The following TCF12 variants were observed in gnomAD, a reference collection of about 807,000 sequenced individuals.
TCF12 encodes transcription factor 12, also known as DNA-binding protein HTF4.
A neutral mutation model predicts 86.0 loss-of-function variants in TCF12; 45 were observed. The observed-to-expected ratio is 0.52, with a 90% CI of 0.41 to 0.67. TCF12 has a LOEUF of 0.67. Ranked by LOEUF, TCF12 falls within the 30% of genes least tolerant of loss-of-function variation. The pLI, the probability that TCF12 is intolerant of heterozygous loss-of-function variation, is 0.00. For synonymous variants in TCF12, 330 were observed against 299.6 expected (o/e 1.10, Z -1.05); for missense variants, 881 against 859.9 (o/e 1.02, Z -0.31).
At chr15:57,076,924 A>G (rs1483545965) in intron 4 of TCF12, among the ~76,000 whole-genome samples, 4 of 152,018 alleles carry the variant, frequency 2.6e-5, no homozygotes, top group African/African-American at 7.3e-5. Flanking sequence ...CTTCCCTCCC[A>G]TTGAGTTAAC....
chr15:57,261,867 A>AT (rs1567007848), intron 16 of TCF12, among the ~76,000 whole-genome samples: 1 of 152,226 alleles, frequency 6.6e-6, no homozygotes, highest in African/African-American at 2.4e-5. Context: ...TAGAAGTTTC[A>AT]TTTTTTAAAA....
chr15:57,107,077 A>G (rs988940736), intron 5 of TCF12, among the ~76,000 whole-genome samples: 7 of 152,236 alleles, frequency 4.6e-5, no homozygotes, highest in South Asian at 2.1e-4. Flanking sequence ...AGTCTACACA[A>G]TGAAGTTGAA....
At chr15:57,032,058 G>T (rs2066230470) in intron 3 of TCF12, among the ~76,000 whole-genome samples, 1 of 152,080 alleles carries the variant, frequency 6.6e-6, no homozygotes, top group Admixed American at 6.6e-5. Context: ...ACCTCTTTCG[G>T]GCAGGAGGAC....
intron 8 of TCF12, among the ~76,000 whole-genome samples, chr15:57,218,573 G>C (rs901903316): frequency 6.6e-6 from 1 of 152,034 alleles, no homozygotes; most frequent in Non-Finnish European, 1.5e-5. Context: ...AAAGTATTAA[G>C]AACAATAATA....
In TCF12 at chr15:57,015,626, G is replaced by A. The variant is rs566446869; in HGVS notation, c.149-48124G>A. Among the ~76,000 whole-genome samples, 4 of 152,308 alleles carry A rather than the reference G, an allele frequency of 2.6e-5. No individual in the cohort carries two copies. The East Asian group carries it at 7.7e-4, about 29-fold the overall frequency. ...TTCATGGTTGACACTGAGATTATGG[G>A]TGCTGTCTCTGGAGTGTCCATTTGT... On this transcript the variant is annotated intron_variant, in intron 3 of 20. Coordinates refer to ENST00000333725, the MANE Select transcript of TCF12 (RefSeq NM_207037.2).
intron 3 of TCF12, among the ~76,000 whole-genome samples, chr15:57,014,979 A>G (rs986057541): frequency 6.6e-6 from 1 of 151,720 alleles, no homozygotes; most frequent in Non-Finnish European, 1.5e-5. Flanking sequence ...GGAGGAGATT[A>G]TTATCAACAG....
At chr15:57,147,310 G>A (rs1212423288) in intron 5 of TCF12, among the ~76,000 whole-genome samples, 2 of 152,164 alleles carry the variant, frequency 1.3e-5, no homozygotes, top group African/African-American at 4.8e-5. Context: ...TAACATCAGT[G>A]TAATAGTTAT....
At chr15:56,953,540 A>G (rs757322568) in intron 3 of TCF12, among the ~76,000 whole-genome samples, 7 of 151,976 alleles carry the variant, frequency 4.6e-5, no homozygotes, top group Non-Finnish European at 1.0e-4. Flanking sequence ...CACCAATGAA[A>G]CCAACTAGGT....
chr15:57,260,766 T>C (rs2060551490), intron 16 of TCF12, among the ~76,000 whole-genome samples: 1 of 152,182 alleles, frequency 6.6e-6, no homozygotes, highest in African/African-American at 2.4e-5. Flanking sequence ...CTTCCTTTCC[T>C]CTTAGATCAC....
At chr15:56,952,320 G>C (rs1372829915) in intron 3 of TCF12, among the ~76,000 whole-genome samples, 1 of 144,968 alleles carries the variant, frequency 6.9e-6, no homozygotes, top group Non-Finnish European at 1.5e-5. Context: ...AAATCAGTTT[G>C]TATAGTCTTC....
At chr15:57,220,522 C>G (rs1033741781) in intron 8 of TCF12, among the ~76,000 whole-genome samples, 15 of 152,072 alleles carry the variant, frequency 9.9e-5, no homozygotes, top group African/African-American at 3.6e-4. Context: ...TATACATTTT[C>G]CAAAGAATGC....
rs80133067 is a variant in TCF12, at chr15:57,055,462, A to G, written c.149-8288A>G. On this transcript the variant is annotated intron_variant, in intron 3 of 20. Transcript: ENST00000333725. Reference sequence around the variant, plus strand: ...AAGAACTTCTTTTAATATTTCTTATACCAAAGTTATACTGGTAATGAGTTC... The same window carrying G: ...AAGAACTTCTTTTAATATTTCTTATGCCAAAGTTATACTGGTAATGAGTTC... Among the ~76,000 whole-genome samples the G allele has an allele frequency of 2.1e-3, 321 of 152,282 alleles. 2 individuals carry two copies. The highest frequency in any genetic ancestry group is 7.2e-3 in the African/African-American group (301 of 41,560).
intron 5 of TCF12, among the ~76,000 whole-genome samples, chr15:57,111,250 A>G (rs12438244): frequency 0.04 from 6,151 of 152,196 alleles, 373 homozygotes; most frequent in Admixed American, 0.17. Flanking sequence ...TCCAGATCCC[A>G]GTGAGTTTCA....
At chr15:57,216,860 A>G (rs1814585) in intron 8 of TCF12, among the ~76,000 whole-genome samples, 58,555 of 151,932 alleles carry the variant, frequency 0.39, 14,076 homozygotes, top group Non-Finnish European at 0.53. Context: ...CGACAAACTT[A>G]AAAGACTTTT....
chr15:57,041,867 A>G (rs1016051012), intron 3 of TCF12, among the ~76,000 whole-genome samples: 3 of 152,214 alleles, frequency 2.0e-5, no homozygotes, highest in Non-Finnish European at 2.9e-5. Flanking sequence ...TGATCGCATT[A>G]CTAGTGTACT....
chr15:57,259,336 T>A (rs2060482322), intron 16 of TCF12, among the ~76,000 whole-genome samples: 1 of 152,244 alleles, frequency 6.6e-6, no homozygotes, highest in Admixed American at 6.5e-5. Flanking sequence ...ATCTGTGTAT[T>A]AATAGTGATT....
intron 3 of TCF12, among the ~76,000 whole-genome samples, chr15:57,005,138 T>TA (rs2064274077): frequency 6.6e-6 from 1 of 152,246 alleles, no homozygotes; most frequent in Non-Finnish European, 1.5e-5. Flanking sequence ...CATTAGTTGA[T>TA]ACTTCCTAGT....
At chr15:57,153,577 G>A (rs1346071600) in intron 5 of TCF12, among the ~76,000 whole-genome samples, 3 of 152,010 alleles carry the variant, frequency 2.0e-5, no homozygotes, top group Non-Finnish European at 4.4e-5. Flanking sequence ...TTATATTGTC[G>A]GTTTTATAAA....
At chr15:57,198,797 G>C (rs890003141) in intron 8 of TCF12, among the ~76,000 whole-genome samples, 1 of 152,154 alleles carries the variant, frequency 6.6e-6, no homozygotes, top group Admixed American at 6.5e-5. Flanking sequence ...AGATGAGTCA[G>C]CTCATCGAAG....
Sources: gnomAD v4.1 joint callset for allele counts (sites outside exome capture counted in the v4.1 genomes callset) on GRCh38, gnomAD v4.1.1 for gene constraint, MANE v1.5 for transcripts, NCBI Gene and HGNC (gene_info 2026-07-23, HGNC 2026-07-21) for gene names.